Variants in ZBTB8A observed in about 807,000 individuals in gnomAD.
ZBTB8A encodes the protein zinc finger and BTB domain-containing protein 8A.
Under a neutral mutation model 37.8 loss-of-function variants are expected in ZBTB8A, and 19 were observed. The ratio of observed to expected loss-of-function variants is 0.50; its 90% CI spans 0.35 to 0.74. The LOEUF (loss-of-function observed/expected upper bound fraction) is 0.74. Ranked by LOEUF, ZBTB8A falls within the 30% of genes least tolerant of loss-of-function variation. The pLI is 0.01. For synonymous variants in ZBTB8A, 181 were observed against 185.2 expected (o/e 0.98, Z 0.19); for missense variants, 394 against 537.8 (o/e 0.73, Z 2.65).
chr1:32,546,494 A>C (rs1397803286), intron 1 of ZBTB8A, among the ~76,000 whole-genome samples: 3 of 151,982 alleles, frequency 2.0e-5, no homozygotes, highest in Non-Finnish European at 4.4e-5. Context: ...AAAATATAGA[A>C]AGAGCCAGAC....
intron 2 of ZBTB8A, among the ~76,000 whole-genome samples, chr1:32,580,800 T>C (rs1644397511): frequency 6.6e-6 from 1 of 151,764 alleles, no homozygotes; most frequent in Non-Finnish European, 1.5e-5. Flanking sequence ...GGCTCACAGA[T>C]CTCATGCCAG....
At chr1:32,574,757 A>G (rs115066028) in intron 2 of ZBTB8A, among the ~76,000 whole-genome samples, 1,599 of 152,086 alleles carry the variant, frequency 0.011, 27 homozygotes, top group African/African-American at 0.036. Flanking sequence ...AAGTTGGTTG[A>G]TAGTATTGCT....
rs1644588182 is a variant in ZBTB8A, at chr1:32,602,860, G to A, written c.*2441G>A. ...GCCACTGCGCCCAGCCAATTTTACT[G>A]TATTTTTAAATGCCATGACATACCT... is the stretch of plus-strand genomic sequence containing the variant. On this transcript the variant is annotated 3_prime_UTR_variant, in exon 5 of 5. Transcript: ENST00000373510. 6.6e-6 allele frequency: 1 copy of A among 151,806 alleles called. No individual in the cohort carries two copies. Among genetic ancestry groups the A allele is most frequent in the Non-Finnish European group, 1.5e-5 (1 of 67,900 alleles). 9.4% of individuals were successfully genotyped at this position (151,806 alleles called of 1,614,324 possible). A position where few individuals can be genotyped will look rare whatever the true frequency, so the allele number is the denominator to read the frequency against.
At chr1:32,591,233 G>A (rs1201195298) in intron 2 of ZBTB8A, among the ~76,000 whole-genome samples, 3 of 149,132 alleles carry the variant, frequency 2.0e-5, no homozygotes, top group African/African-American at 7.5e-5. Flanking sequence ...TAGAGACAGA[G>A]TCTCTCTCTG....
intron 2 of ZBTB8A, among the ~76,000 whole-genome samples, chr1:32,582,463 C>G (rs569723735): frequency 4.6e-5 from 7 of 152,098 alleles, no homozygotes; most frequent in Admixed American, 2.0e-4. Flanking sequence ...GCCTGACAAA[C>G]ATGAAGAAAC....
intron 1 of ZBTB8A, among the ~76,000 whole-genome samples, chr1:32,552,798 T>A (rs1644167401): frequency 6.6e-6 from 1 of 150,884 alleles, no homozygotes; most frequent in Non-Finnish European, 1.5e-5. Context: ...CATAAAAATA[T>A]GTATATAAAA....
chr1:32,578,674 T>C (rs1644381227), intron 2 of ZBTB8A, among the ~76,000 whole-genome samples: 1 of 151,968 alleles, frequency 6.6e-6, no homozygotes, highest in African/African-American at 2.4e-5. Context: ...AATTTTTCCT[T>C]CTGATTTAAA....
chr1:32,541,546 G>A (rs1644054849), intron 1 of ZBTB8A, among the ~76,000 whole-genome samples: 1 of 152,170 alleles, frequency 6.6e-6, no homozygotes, highest in Non-Finnish European at 1.5e-5. Context: ...CAGGCCATTT[G>A]TGCAGCTATA....
At chr1:32,544,495 A>G (rs577061121) in intron 1 of ZBTB8A, among the ~76,000 whole-genome samples, 6 of 152,340 alleles carry the variant, frequency 3.9e-5, no homozygotes, top group African/African-American at 1.2e-4. Context: ...TCAGGAGTTC[A>G]AGACAAGCCT....
At chr1:32,562,429 G>A (rs538888290) in intron 2 of ZBTB8A, among the ~76,000 whole-genome samples, 233 of 151,188 alleles carry the variant, frequency 1.5e-3, no homozygotes, top group Non-Finnish European at 2.7e-3. Flanking sequence ...GCGCCACCAC[G>A]CCTGGCTAAT....
chr1:32,593,689 T>C lies in ZBTB8A; in HGVS notation c.758T>C (p.Met253Thr), dbSNP rs752875480. 2 of 1,614,064 alleles carry C rather than the reference T, an allele frequency of 1.2e-6. No homozygotes were observed. Among genetic ancestry groups the C allele is most frequent in the Non-Finnish European group, 1.7e-6 (2 of 1,180,038 alleles). Residue 253 changes from methionine (M) to threonine (T), a missense_variant, in exon 3 of 5, where the codon ATG becomes ACG. This residue lies in a region of ZBTB8A where 171 missense variants were observed against 186.8 expected (regional missense o/e 0.92). Coordinates refer to ENST00000373510, the MANE Select transcript of ZBTB8A (RefSeq NM_001040441.3). ...GAACAAGCACAGATTGATGCTGAAA[T>C]GGACTCTACTCCTGTTGGCTATCAG... ...SEEQAQIDAE[M>T]DSTPVGYQYG...
chr1:32,558,436 TAA>T lies in ZBTB8A; in HGVS notation c.-2+4898_-2+4899del, dbSNP rs917979176. Among the ~76,000 whole-genome samples the T allele has an allele frequency of 8.7e-5, 11 of 126,612 alleles. 1 individual carries two copies. The Admixed American group carries it at 8.9e-4, about 10-fold the overall frequency. 83.1% of individuals were successfully genotyped at this position (126,612 alleles called of 152,430 possible). A position where few individuals can be genotyped will look rare whatever the true frequency, so the allele number is the denominator to read the frequency against. ...AATACTTTCTAGAAGAGCTAAGTAT[TAA>T]ACACACACACACACACACACACACA... On this transcript the variant is annotated intron_variant, in intron 2 of 4. Coordinates refer to ENST00000373510, the MANE Select transcript of ZBTB8A (RefSeq NM_001040441.3).
chr1:32,574,875 A>G (rs947333678), intron 2 of ZBTB8A, among the ~76,000 whole-genome samples: 3 of 152,080 alleles, frequency 2.0e-5, no homozygotes, highest in African/African-American at 7.2e-5. Context: ...CCTCCTAAGC[A>G]CAAGTGATTC....
intron 2 of ZBTB8A, among the ~76,000 whole-genome samples, chr1:32,570,390 A>G (rs965006602): frequency 6.6e-6 from 1 of 152,076 alleles, no homozygotes; most frequent in Admixed American, 6.6e-5. Context: ...TGTTTTGGCT[A>G]TTTTAGGTCC....
At chr1:32,546,491 A>G (rs925882315) in intron 1 of ZBTB8A, among the ~76,000 whole-genome samples, 1 of 152,020 alleles carries the variant, frequency 6.6e-6, no homozygotes, top group Non-Finnish European at 1.5e-5. Context: ...GTTAAAATAT[A>G]GAAAGAGCCA....
chr1:32,599,317 C>T (rs538784939), intron 4 of ZBTB8A, among the ~76,000 whole-genome samples: 38 of 151,640 alleles, frequency 2.5e-4, no homozygotes, highest in African/African-American at 9.0e-4. Context: ...CCCAGCTCCT[C>T]GGTAGGTTGG....
chr1:32,540,091 T>C (rs534484369), intron 1 of ZBTB8A, among the ~76,000 whole-genome samples: 142 of 152,116 alleles, frequency 9.3e-4, no homozygotes, highest in African/African-American at 3.3e-3. Context: ...CTTGGTTTTA[T>C]GTCAAGATGC....
At chr1:32,543,121 T>C (rs1354502706) in intron 1 of ZBTB8A, among the ~76,000 whole-genome samples, 1 of 152,154 alleles carries the variant, frequency 6.6e-6, no homozygotes, top group Non-Finnish European at 1.5e-5. Flanking sequence ...TTCACTCTTG[T>C]TGCCCAGGCT....
rs2148260547 is a variant in ZBTB8A, at chr1:32,605,781, A to G, written c.*5362A>G. 6.6e-6 allele frequency: 1 copy of G among 151,514 alleles called. No individual in the cohort carries two copies. Among genetic ancestry groups the G allele is most frequent in the East Asian group, 1.9e-4 (1 of 5,166 alleles). The allele number at this position is 151,514 out of a possible 1,614,324, so 9.4% of individuals were successfully genotyped here. On this transcript the variant is annotated 3_prime_UTR_variant, in exon 5 of 5. Transcript: ENST00000373510. ...GTAGCAAAAAATAGGAAATATAATG[A>G]TCACATTTTCTGAATCCTAGACCAT... is the stretch of plus-strand genomic sequence containing the variant.
Sources: allele counts gnomAD v4.1 joint callset (sites outside exome capture counted in the v4.1 genomes callset), GRCh38; gene constraint gnomAD v4.1.1; regional missense constraint gnomAD v4.1.1; transcripts MANE v1.5; gene names NCBI Gene and HGNC (gene_info 2026-07-23, HGNC 2026-07-21).